The following LRP3 variants were observed in gnomAD, a reference collection of about 807,000 sequenced individuals.
The protein encoded by LRP3 is LDL receptor related protein 3, also known as low-density lipoprotein receptor-related protein 3.
LRP3 carries 49 observed loss-of-function variants against 58.5 expected under a neutral mutation model. The ratio of observed to expected loss-of-function variants is 0.84; its 90% CI spans 0.67 to 1.06. The LOEUF (loss-of-function observed/expected upper bound fraction) is 1.06. Among genes scored for constraint, LRP3 ranks in the 50% least tolerant of loss-of-function variants. LRP3 has a pLI of 0.00. For synonymous variants in LRP3, 485 were observed against 492.2 expected, an observed-to-expected ratio of 0.99 and a Z score of 0.20; for missense variants, 1,019 against 1,134.2, an observed-to-expected ratio of 0.90 and a Z score of 1.46.
At chr19:33,204,346 A>C in intron 3 of LRP3, 3 of 432,122 alleles carry the variant, frequency 6.9e-6, no homozygotes, top group Non-Finnish European at 8.4e-6. Context: ...GGCTGGGGGT[A>C]CTGTGTGCAC....
In LRP3 at chr19:33,206,210, C is replaced by A; in HGVS notation, c.1440C>A (p.Cys480Ter). 1 of 1,595,330 alleles carries A rather than the reference C, an allele frequency of 6.3e-7. No homozygotes were observed. Among genetic ancestry groups the A allele is most frequent in the Non-Finnish European group, 8.5e-7 (1 of 1,170,992 alleles). ...ETWRCDGQED[C>*]QDGSDEHGCL... ...GGCGCTGTGACGGCCAGGAAGACTG[C>A]CAGGACGGCAGCGATGAGCATGGGT... Residue 480 changes from cysteine (C) to a stop codon, truncating the protein, a stop_gained, in exon 5 of 7, where the codon TGC (cysteine) becomes TGA (stop). Coordinates refer to ENST00000253193, the MANE Select transcript of LRP3 (RefSeq NM_002333.4). LOFTEE classifies it high-confidence loss of function.
intron 2 of LRP3, among the ~76,000 whole-genome samples, chr19:33,200,317 C>T (rs1355478682): frequency 2.6e-5 from 4 of 152,068 alleles, no homozygotes; most frequent in African/African-American, 7.2e-5. Flanking sequence ...CCACAACATC[C>T]GCCTCCTGGG....
chr19:33,203,392 A>T (rs1167183294), intron 3 of LRP3, among the ~76,000 whole-genome samples: 1 of 152,166 alleles, frequency 6.6e-6, no homozygotes, highest in Non-Finnish European at 1.5e-5. Context: ...GTCGGAGAAG[A>T]CATAAAGGAC....
chr19:33,206,678 T>A lies in LRP3; in HGVS notation c.1670T>A (p.Ile557Asn), dbSNP rs1450385109. ...REAPPSYGQL[I>N]AQGLIPPVED... Reference sequence around the variant, plus strand: ...GCACCCCCATCCTATGGTCAGCTCATCGCCCAGGGCCTCATTCCACCCGTG... The same window carrying A: ...GCACCCCCATCCTATGGTCAGCTCAACGCCCAGGGCCTCATTCCACCCGTG... The change falls in exon 6 of 7, where the codon ATC (isoleucine) becomes AAC (asparagine). Residue 557 changes from isoleucine to asparagine, a missense_variant. Transcript: ENST00000253193. 6.4e-7 allele frequency: 1 copy of A among 1,570,384 alleles called. No homozygotes were observed. The highest frequency in any genetic ancestry group is 8.6e-7 in the Non-Finnish European group (1 of 1,159,336).
chr19:33,204,993 C>A, intron 4 of LRP3, 141 bp downstream of exon 4: 1 of 827,292 alleles, frequency 1.2e-6, no homozygotes, highest in Non-Finnish European at 1.9e-6. Context: ...AATCTCAGGA[C>A]AGTGGCAGGA....
At chr19:33,198,243 C>T (rs1417571748) in intron 2 of LRP3, among the ~76,000 whole-genome samples, 1 of 152,154 alleles carries the variant, frequency 6.6e-6, no homozygotes, top group Admixed American at 6.5e-5. Context: ...GGAGCTTGGG[C>T]GAGGAGGACA....
At chr19:33,204,378 C>T in intron 3 of LRP3, 1 of 540,946 alleles carries the variant, frequency 1.8e-6, no homozygotes, top group Non-Finnish European at 3.3e-6. Flanking sequence ...AGGGGAGCCG[C>T]AGCAGAGCTG....
chr19:33,206,081 C>A lies in LRP3; in HGVS notation c.1311C>A (p.Cys437Ter), dbSNP rs953693811. Reference protein sequence around the residue: ...SGLCYTPADRCNNQKSCPDGA... With the variant: ...SGLCYTPADR ...TGTGCTACACGCCTGCCGACCGCTG[C>A]AACAACCAGAAAAGCTGTCCCGACG... Residue 437 changes from cysteine to a stop codon, truncating the protein, a stop_gained, in exon 5 of 7, where the codon TGC (cysteine) becomes TGA (stop). Transcript: ENST00000253193. LOFTEE classifies it high-confidence loss of function. 6.2e-7 allele frequency: 1 copy of A among 1,608,924 alleles called. No individual in the cohort carries two copies. The highest frequency in any genetic ancestry group is 1.7e-5 in the Admixed American group (1 of 59,586).
intron 3 of LRP3, chr19:33,204,086 C>T (rs1227301611): frequency 6.3e-6 from 1 of 158,918 alleles, no homozygotes; most frequent in Non-Finnish European, 1.4e-5. Flanking sequence ...ATCCTAGTCT[C>T]TGTGCCTCAG....
chr19:33,194,370 C>A lies in LRP3; in HGVS notation c.-416C>A, dbSNP rs980952091. Reference sequence around the variant, plus strand: ...GCTCTACCGGCGGCACCCGGCCGGGCGGGCTGGGCGCAGCGCGGGGCGGCC... The same window carrying A: ...GCTCTACCGGCGGCACCCGGCCGGGAGGGCTGGGCGCAGCGCGGGGCGGCC... On this transcript the variant is annotated 5_prime_UTR_variant, in exon 1 of 7. Coordinates refer to ENST00000253193, the MANE Select transcript of LRP3 (RefSeq NM_002333.4). Among the ~76,000 whole-genome samples the A allele has an allele frequency of 6.9e-6, 1 of 144,300 alleles. No individual in the cohort carries two copies. Among genetic ancestry groups the A allele is most frequent in the African/African-American group, 2.5e-5 (1 of 40,350 alleles). 94.7% of individuals were successfully genotyped at this position (144,300 alleles called of 152,430 possible).
In LRP3 at chr19:33,206,925, CCT is replaced by C. The variant is rs1225473920; in HGVS notation, c.1726-62_1726-61del. 2.3e-6 allele frequency: 3 copies of C among 1,291,832 alleles called. No individual in the cohort carries two copies. The African/African-American group carries it at 4.6e-5, about 20-fold the overall frequency. 80.0% of individuals were successfully genotyped at this position (1,291,832 alleles called of 1,614,324 possible). Reference sequence around the variant, plus strand: ...CCTTGGGGGTGTGCTGTCTCCTGCCCCTGAGCAGCCTGTCTGCCCCCTCAGCC... The same window carrying C: ...CCTTGGGGGTGTGCTGTCTCCTGCCCGAGCAGCCTGTCTGCCCCCTCAGCC... On this transcript the variant is annotated intron_variant, in intron 6 of 6. Coordinates refer to ENST00000253193, the MANE Select transcript of LRP3 (RefSeq NM_002333.4).
rs2145445770 is a variant in LRP3, at chr19:33,194,869, C to T, written c.73+11C>T. ...CCGTCGTCTGTCTGGGTGAGTGGGC[C>T]GCGCGGGCCGGGCAGGTCCGGGTCC... On this transcript the variant is annotated intron_variant, in intron 1 of 6. Coordinates refer to ENST00000253193, the MANE Select transcript of LRP3 (RefSeq NM_002333.4). The T allele has an allele frequency of 1.8e-6, 2 of 1,112,640 alleles. No individual in the cohort carries two copies. The highest frequency in any genetic ancestry group is 1.7e-5 in the African/African-American group (1 of 60,108). 68.9% of individuals were successfully genotyped at this position (1,112,640 alleles called of 1,614,324 possible).
At chr19:33,200,568 C>T (rs1195883177) in intron 2 of LRP3, among the ~76,000 whole-genome samples, 1 of 152,200 alleles carries the variant, frequency 6.6e-6, no homozygotes, top group African/African-American at 2.4e-5. Flanking sequence ...CCCAAGGAAT[C>T]CCAGTTCAGG....
rs17848214 is a variant in LRP3, at chr19:33,206,743, C to T, written c.1725+10C>T. 2,616 of 1,510,714 alleles carry T rather than the reference C, an allele frequency of 1.7e-3. 27 individuals carry two copies. In the African/African-American group the frequency reaches 0.023, roughly 13 times the overall value. 93.6% of individuals were successfully genotyped at this position (1,510,714 alleles called of 1,614,324 possible). A position where few individuals can be genotyped will look rare whatever the true frequency, so the allele number is the denominator to read the frequency against. On this transcript the variant is annotated intron_variant, in intron 6 of 6. Transcript: ENST00000253193. ...CTACAGTGCGTCCCAGGTGAGCCCC[C>T]GGAGGGCGTGAGGCCCCTCCGGGGC...
At chr19:33,198,013 G>A (rs1478312545) in intron 2 of LRP3, among the ~76,000 whole-genome samples, 1 of 152,130 alleles carries the variant, frequency 6.6e-6, no homozygotes, top group Non-Finnish European at 1.5e-5. Context: ...CACAACTGAT[G>A]GAGGCCCAGT....
At chr19:33,200,768 C>T (rs1308069018) in intron 2 of LRP3, among the ~76,000 whole-genome samples, 1 of 152,198 alleles carries the variant, frequency 6.6e-6, no homozygotes, top group East Asian at 1.9e-4. Context: ...ATCAGAGGCT[C>T]ATTGTGGGGG....
rs140133400 is a variant in LRP3 at position 33,198,191 on chromosome 19, C to A, written c.121+1414C>A. On this transcript the variant is annotated intron_variant, in intron 2 of 6. Coordinates refer to ENST00000253193, the MANE Select transcript of LRP3 (RefSeq NM_002333.4). ...TGTCACCCCAAATGTGTATATACTC[C>A]ACTTTCAGAAAAGTGCTTCCCTGGG... Among the ~76,000 whole-genome samples, 344 of 152,320 alleles carry A rather than the reference C, an allele frequency of 2.3e-3. 1 individual carries two copies. The highest frequency in any genetic ancestry group is 7.6e-3 in the African/African-American group (318 of 41,572).
At position 33,203,634 on chromosome 19, in the gene LRP3, C is replaced by T. The variant is rs140809484; in HGVS notation, c.260+648C>T. Among the ~76,000 whole-genome samples, 35 of 152,300 alleles carry T rather than the reference C, an allele frequency of 2.3e-4. No homozygotes were observed. The East Asian group carries it at 4.6e-3, about 20-fold the overall frequency. On this transcript the variant is annotated intron_variant, in intron 3 of 6. Coordinates refer to ENST00000253193, the MANE Select transcript of LRP3 (RefSeq NM_002333.4). Reference sequence around the variant, plus strand: ...CTGGACCTCTTCCTGGTTTGAGCCTCGTTCATGGGGTGTGGGGGGTCTCAG... The same window carrying T: ...CTGGACCTCTTCCTGGTTTGAGCCTTGTTCATGGGGTGTGGGGGGTCTCAG...
At chr19:33,203,165 C>CAT (rs3065439) in intron 3 of LRP3, among the ~76,000 whole-genome samples, 179 bp downstream of exon 3, 15,597 of 151,372 alleles carry the variant, frequency 0.1, 1,633 homozygotes, top group African/African-American at 0.27. Flanking sequence ...TGTGAGCACT[C>CAT]GTGTGAACAG....
Sources: allele counts gnomAD v4.1 joint callset (sites outside exome capture counted in the v4.1 genomes callset), GRCh38; gene constraint gnomAD v4.1.1; transcripts MANE v1.5; gene names NCBI Gene and HGNC (gene_info 2026-07-23, HGNC 2026-07-21).